VPS13D: variants seen among roughly 807,000 people sequenced by gnomAD.
VPS13D encodes intermembrane lipid transfer protein VPS13D.
VPS13D carries 187 observed loss-of-function variants against 461.9 expected under a neutral mutation model. That is an observed-to-expected ratio of 0.40 (90% CI 0.36 to 0.46). The LOEUF is 0.46. Among genes scored for constraint, VPS13D ranks in the 20% least tolerant of loss-of-function variants. The probability of loss-of-function intolerance (pLI) is 0.60; values close to 1 mark genes in which losing one functional copy is unlikely to be tolerated. For missense variants in VPS13D, 4,711 were observed against 5,364.9 expected, an observed-to-expected ratio of 0.88 and a Z score of 3.81; for synonymous variants, 1,951 against 1,986.3, an observed-to-expected ratio of 0.98 and a Z score of 0.47.
At chr1:12,319,752 GCCCTC>G in intron 32 of VPS13D, 122 bp downstream of exon 32, 1 of 1,420,910 alleles carries the variant, frequency 7.0e-7, no homozygotes, top group South Asian at 1.4e-5. Flanking sequence ...GAAGACCCTT[GCCCTC>G]TTTTCCTCTT....
Position 12,283,111 on chromosome 1 carries a change from C to T in VPS13D, c.5009C>T (p.Ser1670Phe). The change falls in exon 21 of 70, where the codon TCT (serine) becomes TTT (phenylalanine). Residue 1670 changes from serine (S) to phenylalanine (F), a missense_variant. Physicochemically the swap from Ser to Phe is radical, Grantham distance 155. Coordinates refer to ENST00000620676, the MANE Select transcript of VPS13D (RefSeq NM_015378.4). ...TTATCTATTCAGATTGCCCTGCATT[C>T]TCTGCTGATGGAGGACTTATTGGAG... is the stretch of plus-strand genomic sequence containing the variant. ...QTLSIQIALH[S>F]LLMEDLLEKN... 1 of 1,614,162 alleles carries T rather than the reference C, an allele frequency of 6.2e-7. No individual in the cohort carries two copies. Among genetic ancestry groups the T allele is most frequent in the Non-Finnish European group, 8.5e-7 (1 of 1,180,018 alleles).
At chr1:12,293,832 A>G in intron 24 of VPS13D, 128 bp downstream of exon 24, 3 of 913,564 alleles carry the variant, frequency 3.3e-6, no homozygotes, top group East Asian at 5.5e-5. Context: ...CGTGTAGATT[A>G]GCTACAGACA....
At chr1:12,369,229 CTGTG>C (rs142328809) in intron 53 of VPS13D, among the ~76,000 whole-genome samples, 2,507 of 147,626 alleles carry the variant, frequency 0.017, 44 homozygotes, top group African/African-American at 0.039. Flanking sequence ...GTGTGTGTAT[CTGTG>C]TGTGTGTGTG....
intron 17 of VPS13D, among the ~76,000 whole-genome samples, chr1:12,272,599 C>T (rs1485605909): frequency 6.6e-6 from 1 of 152,068 alleles, no homozygotes; most frequent in Non-Finnish European, 1.5e-5. Context: ...AATGTCAAAG[C>T]TTATGTTTCT....
At chr1:12,378,088 A>G (rs1329235796) in intron 55 of VPS13D, among the ~76,000 whole-genome samples, 1 of 152,192 alleles carries the variant, frequency 6.6e-6, no homozygotes, top group Non-Finnish European at 1.5e-5. Context: ...AATGGCAGTG[A>G]TCATGGCAGT....
At chr1:12,234,989 C>G (rs1640099174) in intron 2 of VPS13D, among the ~76,000 whole-genome samples, 1 of 152,250 alleles carries the variant, frequency 6.6e-6, no homozygotes, top group Middle Eastern at 3.4e-3. Flanking sequence ...AAATGCAGTC[C>G]CTGATTTGGC....
chr1:12,335,584 A>G (rs1371380297), intron 38 of VPS13D, 121 bp from the exon 39 acceptor site: 1 of 1,292,966 alleles, frequency 7.7e-7, no homozygotes, highest in African/African-American at 1.5e-5. Flanking sequence ...CTCGGAATCT[A>G]GCACAGGCCA....
intron 40 of VPS13D, 58 bp from the exon 41 acceptor site, chr1:12,341,721 GA>G: frequency 6.6e-7 from 1 of 1,514,456 alleles, no homozygotes; most frequent in Non-Finnish European, 9.1e-7. Context: ...CAGGTTGGGG[GA>G]GGGTCTCTGC....
chr1:12,409,322 A>G (rs533128809), intron 63 of VPS13D, among the ~76,000 whole-genome samples: 8 of 152,310 alleles, frequency 5.3e-5, no homozygotes, highest in African/African-American at 1.9e-4. Context: ...CCTTTCTTCC[A>G]TTATATGATT....
At chr1:12,289,102 A>G (rs949436643) in intron 22 of VPS13D, among the ~76,000 whole-genome samples, 6 of 152,148 alleles carry the variant, frequency 3.9e-5, no homozygotes, top group Non-Finnish European at 7.4e-5. Flanking sequence ...TCTGCCTCCC[A>G]AAGTGCTGGG....
intron 67 of VPS13D, among the ~76,000 whole-genome samples, chr1:12,485,467 C>G (rs80265030): frequency 1.3e-5 from 2 of 152,184 alleles, no homozygotes; most frequent in African/African-American, 4.8e-5. Flanking sequence ...CCTTCTGGCC[C>G]GCATCACCCT....
chr1:12,382,688 A>G (rs1156795372), intron 57 of VPS13D, among the ~76,000 whole-genome samples: 1 of 152,240 alleles, frequency 6.6e-6, no homozygotes, highest in Non-Finnish European at 1.5e-5. Context: ...TATTTTAATG[A>G]CAAGAAGTTA....
intron 62 of VPS13D, chr1:12,402,814 T>C (rs559526488): frequency 3.7e-4 from 56 of 152,394 alleles, no homozygotes; most frequent in African/African-American, 1.3e-3. Flanking sequence ...TCCTCAAGCA[T>C]GGATTTAGAC....
At chr1:12,435,863 A>C (rs1011679987) in intron 65 of VPS13D, among the ~76,000 whole-genome samples, 3 of 152,192 alleles carry the variant, frequency 2.0e-5, no homozygotes, top group Admixed American at 6.5e-5. Context: ...GCTCTTTTGT[A>C]GATGCTGTAC....
At chr1:12,424,040 C>A (rs1182689408) in intron 65 of VPS13D, among the ~76,000 whole-genome samples, 1 of 152,036 alleles carries the variant, frequency 6.6e-6, no homozygotes, top group Non-Finnish European at 1.5e-5. Flanking sequence ...GCTGATTATC[C>A]CCATAATAGC....
chr1:12,422,978 T>C (rs1397740046), intron 65 of VPS13D, among the ~76,000 whole-genome samples: 2 of 152,136 alleles, frequency 1.3e-5, no homozygotes, highest in East Asian at 3.8e-4. Context: ...TTGATGTCAC[T>C]GTGTAGCTGG....
At chr1:12,397,199 G>T (rs1644511644) in intron 60 of VPS13D, among the ~76,000 whole-genome samples, 1 of 152,192 alleles carries the variant, frequency 6.6e-6, no homozygotes, top group Non-Finnish European at 1.5e-5. Flanking sequence ...CTCGCAGAGT[G>T]CTGGGATTAC....
chr1:12,268,592 C>A, intron 15 of VPS13D, 114 bp from the exon 16 acceptor site: 1 of 1,211,532 alleles, frequency 8.3e-7, no homozygotes, highest in Non-Finnish European at 1.2e-6. Flanking sequence ...TAAATGTGAA[C>A]TAATTGAAAA....
intron 65 of VPS13D, among the ~76,000 whole-genome samples, chr1:12,447,474 T>C (rs1645207582): frequency 6.6e-6 from 1 of 152,220 alleles, no homozygotes; most frequent in Non-Finnish European, 1.5e-5. Context: ...TGTTGGCTGA[T>C]GCTTATGATT....
Sources: allele counts gnomAD v4.1 joint callset (sites outside exome capture counted in the v4.1 genomes callset), GRCh38; gene constraint gnomAD v4.1.1; transcripts MANE v1.5; gene names NCBI Gene and HGNC (gene_info 2026-07-23, HGNC 2026-07-21).